Variants in RUNX2 observed in about 807,000 individuals in gnomAD.
The protein encoded by RUNX2 is RUNX family transcription factor 2.
RUNX2 carries 10 observed loss-of-function variants against 51.7 expected under a neutral mutation model. The ratio of observed to expected loss-of-function variants is 0.19; its 90% CI spans 0.12 to 0.33. The LOEUF (loss-of-function observed/expected upper bound fraction) is 0.33. Ranked by LOEUF, RUNX2 falls within the 10% of genes least tolerant of loss-of-function variation. The probability of loss-of-function intolerance (pLI) is 1.00; values close to 1 mark genes in which losing one functional copy is unlikely to be tolerated. For synonymous variants in RUNX2, 276 were observed against 273.6 expected (o/e 1.01, Z -0.09); for missense variants, 562 against 691.3 (o/e 0.81, Z 2.10).
Position 45,418,004 on chromosome 6 carries a change from C to T in RUNX2, c.59-4589C>T, listed in dbSNP as rs142658060. ...AACCTTCTGTCAATCAGAGTCCAAA[C>T]GAAAATTCTCCAAAGATCGTTCTGT... On this transcript the variant is annotated intron_variant, in intron 2 of 8. Transcript: ENST00000647337. 8.3e-3 allele frequency among the ~76,000 whole-genome samples: 1,266 copies of T among 152,224 alleles called. 14 individuals carry two copies. The highest frequency in any genetic ancestry group is 0.026 in the African/African-American group (1,083 of 41,526).
chr6:45,335,246 G>C (rs1161207536), intron 2 of RUNX2, among the ~76,000 whole-genome samples: 1 of 151,092 alleles, frequency 6.6e-6, no homozygotes, highest in Non-Finnish European at 1.5e-5. Context: ...ATAATTTTAA[G>C]TGAAAAGATA....
intron 7 of RUNX2, among the ~76,000 whole-genome samples, chr6:45,515,053 C>T (rs1316441829): frequency 1.3e-5 from 2 of 151,814 alleles, no homozygotes; most frequent in African/African-American, 4.8e-5. Flanking sequence ...CCACATAACG[C>T]GGACAGCTAA....
intron 4 of RUNX2, among the ~76,000 whole-genome samples, chr6:45,433,402 C>G (rs9472490): frequency 6.6e-6 from 1 of 151,972 alleles, no homozygotes; most frequent in Non-Finnish European, 1.5e-5. Context: ...TAAAGTTTTC[C>G]TTTTTTTCTA....
chr6:45,369,912 C>G (rs544704607), intron 2 of RUNX2, among the ~76,000 whole-genome samples: 39 of 152,214 alleles, frequency 2.6e-4, no homozygotes, highest in African/African-American at 9.1e-4. Context: ...ACAGAAAGAA[C>G]AGCAAAGTAC....
chr6:45,427,625 T>C (rs1037920618), intron 3 of RUNX2, among the ~76,000 whole-genome samples: 2 of 152,156 alleles, frequency 1.3e-5, no homozygotes. Flanking sequence ...TCAGATTTTA[T>C]CTTGAAAAAT....
chr6:45,505,251 T>C (rs972430893), intron 6 of RUNX2, among the ~76,000 whole-genome samples: 1 of 152,154 alleles, frequency 6.6e-6, no homozygotes, highest in African/African-American at 2.4e-5. Context: ...CAGCATACCT[T>C]TGGGCTTTCA....
At chr6:45,503,964 T>C (rs1366564628) in intron 6 of RUNX2, among the ~76,000 whole-genome samples, 1 of 152,236 alleles carries the variant, frequency 6.6e-6, no homozygotes, top group Non-Finnish European at 1.5e-5. Flanking sequence ...TTGTTTGTGT[T>C]GTAATATAAC....
chr6:45,434,477 A>G (rs745726129), intron 4 of RUNX2, among the ~76,000 whole-genome samples: 4 of 152,114 alleles, frequency 2.6e-5, no homozygotes, highest in African/African-American at 7.2e-5. Context: ...AGAAACATAA[A>G]CTCTCAGAAA....
At chr6:45,395,719 T>G (rs1477183064) in intron 2 of RUNX2, among the ~76,000 whole-genome samples, 1 of 152,216 alleles carries the variant, frequency 6.6e-6, no homozygotes. Flanking sequence ...TGGAGTGAAG[T>G]GGCACCATCT....
chr6:45,528,516 G>T (rs1460459524), intron 7 of RUNX2, among the ~76,000 whole-genome samples: 4 of 152,114 alleles, frequency 2.6e-5, no homozygotes, highest in African/African-American at 7.2e-5. Context: ...AGCTACTGGG[G>T]AGGCTGAGGC....
At chr6:45,535,540 CT>C (rs1207371496) in intron 7 of RUNX2, among the ~76,000 whole-genome samples, 1 of 151,494 alleles carries the variant, frequency 6.6e-6, no homozygotes, top group Non-Finnish European at 1.5e-5. Flanking sequence ...GGAGGCAGAG[CT>C]TGCAGTGAGC....
At chr6:45,418,631 G>T (rs935379284) in intron 2 of RUNX2, among the ~76,000 whole-genome samples, 1 of 152,102 alleles carries the variant, frequency 6.6e-6, no homozygotes, top group South Asian at 2.1e-4. Flanking sequence ...TTTGGTTTAG[G>T]GGTCTGTAAA....
At chr6:45,382,169 A>T (rs922945166) in intron 2 of RUNX2, among the ~76,000 whole-genome samples, 1 of 152,220 alleles carries the variant, frequency 6.6e-6, no homozygotes, top group African/African-American at 2.4e-5. Context: ...CTGGAATCAA[A>T]CAACTTCTAC....
At chr6:45,497,081 AC>A (rs1192676004) in intron 6 of RUNX2, among the ~76,000 whole-genome samples, 2 of 152,088 alleles carry the variant, frequency 1.3e-5, no homozygotes, top group East Asian at 3.9e-4. Context: ...AAAAGAAGAT[AC>A]TAAGAAAGAA....
intron 2 of RUNX2, among the ~76,000 whole-genome samples, chr6:45,420,021 G>A (rs1798145180): frequency 6.6e-6 from 1 of 152,124 alleles, no homozygotes; most frequent in Non-Finnish European, 1.5e-5. Context: ...CGAGGGAGGC[G>A]TGGAGCAGTG....
intron 5 of RUNX2, among the ~76,000 whole-genome samples, chr6:45,480,937 T>G (rs1800095661): frequency 6.6e-6 from 1 of 152,186 alleles, no homozygotes; most frequent in Non-Finnish European, 1.5e-5. Flanking sequence ...GACTTTTTCT[T>G]TGGTTATTAC....
At chr6:45,456,531 T>C (rs1799324582) in intron 5 of RUNX2, among the ~76,000 whole-genome samples, 2 of 152,336 alleles carry the variant, frequency 1.3e-5, no homozygotes, top group South Asian at 4.1e-4. Flanking sequence ...TTTTTCCTTT[T>C]ATCTCTGTTC....
chr6:45,453,667 T>G (rs1174108179), intron 5 of RUNX2, among the ~76,000 whole-genome samples: 1 of 152,112 alleles, frequency 6.6e-6, no homozygotes, highest in East Asian at 1.9e-4. Flanking sequence ...TCAAGAAGGA[T>G]GGAGGCTTTT....
At chr6:45,419,823 C>T (rs980139087) in intron 2 of RUNX2, among the ~76,000 whole-genome samples, 2 of 152,002 alleles carry the variant, frequency 1.3e-5, no homozygotes, top group Non-Finnish European at 2.9e-5. Context: ...GTAGGCCGGG[C>T]GCGAAGAGTA....
Sources: gnomAD v4.1 joint callset for allele counts (sites outside exome capture counted in the v4.1 genomes callset) on GRCh38, gnomAD v4.1.1 for gene constraint, MANE v1.5 for transcripts, NCBI Gene and HGNC (gene_info 2026-07-23, HGNC 2026-07-21) for gene names.